MTBP: variants seen among roughly 807,000 people sequenced by gnomAD.
The protein encoded by MTBP is MDM2 binding protein.
In MTBP, 101 loss-of-function variants were observed where a neutral mutation model predicts 117.0. The observed-to-expected ratio is 0.86, with a 90% CI of 0.73 to 1.02. The LOEUF (loss-of-function observed/expected upper bound fraction) is 1.02, where lower values mean the gene tolerates loss of function less well. MTBP is among the 50% of genes least tolerant of loss of function. The pLI, the probability that MTBP is intolerant of heterozygous loss-of-function variation, is 0.00. For synonymous variants in MTBP, 350 were observed against 351.5 expected (o/e 1.00, Z 0.05); for missense variants, 970 against 1,030.9 (o/e 0.94, Z 0.81).
chr8:120,511,077 G>A (rs930487037), intron 17 of MTBP, among the ~76,000 whole-genome samples: 19 of 151,996 alleles, frequency 1.3e-4, no homozygotes, highest in Admixed American at 2.6e-4. Context: ...TCGGCAACTC[G>A]GAGATAGCTA....
rs1164274283 is a variant in MTBP at position 120,502,498 on chromosome 8, G to C, written c.1616G>C (p.Ser539Thr). 2 of 1,584,102 alleles carry C rather than the reference G, an allele frequency of 1.3e-6. No homozygotes were observed. Among genetic ancestry groups the C allele is most frequent in the Admixed American group, 1.8e-5 (1 of 54,918 alleles). ...TGTATTTCTTTCACTTTAGATTTTA[G>C]TCCAGTGGAACCTAATTCCTCAAGT... is the stretch of plus-strand genomic sequence containing the variant. ...IKTFNILNDF[S>T]PVEPNSSSLM... Residue 539 changes from serine (S) to threonine (T), a missense_variant, in exon 15 of 22, where the codon AGT (serine) becomes ACT (threonine). Ser to Thr is a moderately conservative substitution (Grantham distance 58, BLOSUM62 1). Transcript: ENST00000305949.
At chr8:120,478,604 A>G (rs1813999322) in intron 11 of MTBP, among the ~76,000 whole-genome samples, 1 of 152,200 alleles carries the variant, frequency 6.6e-6, no homozygotes, top group Non-Finnish European at 1.5e-5. Context: ...ACTCTTGGAG[A>G]AAATCATATC....
intron 19 of MTBP, among the ~76,000 whole-genome samples, 152 bp from the exon 20 acceptor site, chr8:120,518,551 CT>C (rs34427476): frequency 0.53 from 80,217 of 151,610 alleles, 24,493 homozygotes; most frequent in Non-Finnish European, 0.67. Context: ...AATGTTAGAT[CT>C]TTTTTTTCTC....
At chr8:120,448,150 T>TCAAG (rs1485872837) in intron 2 of MTBP, among the ~76,000 whole-genome samples, 2 of 152,158 alleles carry the variant, frequency 1.3e-5, no homozygotes, top group African/African-American at 4.8e-5. Context: ...CAGGCTGGTC[T>TCAAG]TGAACACCTG....
chr8:120,517,956 C>A lies in MTBP; in HGVS notation c.2352C>A (p.Ser784=), dbSNP rs1371175931. ...VTSRKPQTER[S]LPVTCPLVPI... ...CCAGAAAGCCACAAACAGAACGGTCCTTACCAGTGACTTGTCCATTGGTTC... is the reference window on the plus strand; with the variant it reads ...CCAGAAAGCCACAAACAGAACGGTCATTACCAGTGACTTGTCCATTGGTTC... The change falls in exon 19 of 22, where the codon TCC becomes TCA. Residue 784 remains serine, a synonymous_variant. Coordinates refer to ENST00000305949, the MANE Select transcript of MTBP (RefSeq NM_022045.5). The A allele has an allele frequency of 6.2e-7, 1 of 1,612,654 alleles. No homozygotes were observed. Among genetic ancestry groups the A allele is most frequent in the South Asian group, 1.1e-5 (1 of 91,040 alleles).
chr8:120,480,235 C>CAAAA (rs33996388), intron 11 of MTBP, among the ~76,000 whole-genome samples: 2 of 132,498 alleles, frequency 1.5e-5, no homozygotes, highest in East Asian at 2.1e-4. Flanking sequence ...CCCGTCTCTA[C>CAAAA]AAAAAAAAAA....
chr8:120,487,825 A>G (rs1814250491), intron 11 of MTBP, among the ~76,000 whole-genome samples: 2 of 152,218 alleles, frequency 1.3e-5, no homozygotes, highest in South Asian at 4.1e-4. Flanking sequence ...GTTTGTAGGA[A>G]TCAGTTTATT....
At chr8:120,453,374 G>A (rs569330244) in intron 4 of MTBP, among the ~76,000 whole-genome samples, 12 of 152,104 alleles carry the variant, frequency 7.9e-5, no homozygotes, top group African/African-American at 2.9e-4. Context: ...CTGAACCTGG[G>A]GGATTGAGGC....
At chr8:120,474,880 A>C (rs1813899481) in intron 11 of MTBP, among the ~76,000 whole-genome samples, 3 of 152,056 alleles carry the variant, frequency 2.0e-5, no homozygotes, top group Non-Finnish European at 4.4e-5. Flanking sequence ...TCCCCAAGAC[A>C]TAATGAAAAA....
intron 6 of MTBP, 30 bp downstream of exon 6, chr8:120,455,609 G>T (rs781134812): frequency 6.3e-7 from 1 of 1,587,978 alleles, no homozygotes; most frequent in African/African-American, 1.3e-5. Flanking sequence ...TTTGATTATT[G>T]TCTGCCTTGT....
At chr8:120,461,322 GTC>G (rs1310173356) in intron 9 of MTBP, 67 bp downstream of exon 9, 3 of 1,138,392 alleles carry the variant, frequency 2.6e-6, no homozygotes, top group Non-Finnish European at 3.9e-6. Context: ...TTCTGGTATT[GTC>G]AGGTAAATAT....
At chr8:120,497,175 T>C (rs942448272) in intron 13 of MTBP, among the ~76,000 whole-genome samples, 5 of 152,204 alleles carry the variant, frequency 3.3e-5, no homozygotes, top group African/African-American at 1.2e-4. Flanking sequence ...CAACTTATAG[T>C]ATCAATGAAT....
chr8:120,507,615 A>G lies in MTBP; in HGVS notation c.1883+754A>G, dbSNP rs529774759. ...GCTTAATCGGAATTATACTGTATAA[A>G]TATTGCCTTTAAAGGTGAATTTTGC... On this transcript the variant is annotated intron_variant, in intron 16 of 21. Transcript: ENST00000305949. Among the ~76,000 whole-genome samples the G allele has an allele frequency of 7.9e-5, 12 of 152,280 alleles. No homozygotes were observed. The East Asian group carries it at 2.3e-3, about 29-fold the overall frequency.
At chr8:120,509,570 C>T (rs1814757212) in intron 16 of MTBP, among the ~76,000 whole-genome samples, 1 of 152,108 alleles carries the variant, frequency 6.6e-6, no homozygotes, top group African/African-American at 2.4e-5. Flanking sequence ...CCACTACACC[C>T]CAGCCTGGAC....
intron 16 of MTBP, among the ~76,000 whole-genome samples, chr8:120,507,235 T>A (rs1359670274): frequency 6.6e-6 from 1 of 152,152 alleles, no homozygotes; most frequent in East Asian, 1.9e-4. Context: ...CTACTCAGCA[T>A]GAGCATTGTC....
intron 1 of MTBP, 130 bp from the exon 2 acceptor site, chr8:120,446,303 A>C (rs72678271): frequency 0.049 from 30,967 of 631,536 alleles, 945 homozygotes; most frequent in Middle Eastern, 0.12. Flanking sequence ...AAACTTGAAC[A>C]GATCTTGAGC....
chr8:120,472,511 A>G (rs1031334241), intron 11 of MTBP: 1 of 152,262 alleles, frequency 6.6e-6, no homozygotes, highest in Non-Finnish European at 1.5e-5. Flanking sequence ...ATCTCACGAG[A>G]AGTCATTGAT....
chr8:120,502,889 A>G (rs1303679937), intron 15 of MTBP, among the ~76,000 whole-genome samples: 2 of 152,228 alleles, frequency 1.3e-5, no homozygotes, highest in Admixed American at 6.5e-5. Flanking sequence ...AGACATACAC[A>G]GTATATGAAG....
chr8:120,449,611 G>A (rs1486680648), intron 2 of MTBP, among the ~76,000 whole-genome samples: 1 of 152,048 alleles, frequency 6.6e-6, no homozygotes, highest in African/African-American at 2.4e-5. Flanking sequence ...AGAAAGGATG[G>A]GATTGCTTAC....
Sources: gnomAD v4.1 joint callset for allele counts (sites outside exome capture counted in the v4.1 genomes callset) on GRCh38, gnomAD v4.1.1 for gene constraint, MANE v1.5 for transcripts, NCBI Gene and HGNC (gene_info 2026-07-23, HGNC 2026-07-21) for gene names.